The following EBF2 variants were observed in gnomAD, a reference collection of about 807,000 sequenced individuals.
The protein encoded by EBF2 is EBF transcription factor 2.
A neutral mutation model predicts 72.8 loss-of-function variants in EBF2; 21 were observed. That is an observed-to-expected ratio of 0.29 (90% CI 0.20 to 0.42). The LOEUF is 0.42. Among genes scored for constraint, EBF2 ranks in the 10% least tolerant of loss-of-function variants. The probability of loss-of-function intolerance (pLI) is 1.00; values close to 1 mark genes in which losing one functional copy is unlikely to be tolerated. For synonymous variants in EBF2, 299 were observed against 274.2 expected (o/e 1.09, Z -0.89); for missense variants, 637 against 731.2 (o/e 0.87, Z 1.49).
At position 25,861,131 on chromosome 8, in the gene EBF2, C is replaced by T. The variant is rs531219296; in HGVS notation, c.1260G>A (p.Ala420=). The change falls in exon 13 of 16, where the codon GCG becomes GCA. Residue 420 remains alanine (A), a synonymous_variant. Transcript: ENST00000520164. ...SQLPALSSSP[A]HSGMMGINSY... is the part of the protein sequence containing the mutation. ...AGTTGATTCCCATCATGCCACTGTGCGCTGGGGAGCTAGAGAGGGCTGGAA... is the reference window on the plus strand; with the variant it reads ...AGTTGATTCCCATCATGCCACTGTGTGCTGGGGAGCTAGAGAGGGCTGGAA... 9.0e-5 allele frequency: 145 copies of T among 1,614,108 alleles called. No homozygotes were observed. Among genetic ancestry groups the T allele is most frequent in the South Asian group, 8.1e-4 (74 of 91,060 alleles).
At chr8:25,890,183 CCAGTGGAGCCTCCACCA>C (rs1802755281) in intron 7 of EBF2, among the ~76,000 whole-genome samples, 1 of 152,210 alleles carries the variant, frequency 6.6e-6, no homozygotes, top group African/African-American at 2.4e-5. Context: ...ACCGCCACCG[CCAGTGGAGCCTCCACCA>C]CAGAAAGCTG....
intron 10 of EBF2, among the ~76,000 whole-genome samples, 190 bp downstream of exon 10, chr8:25,886,565 G>A (rs1485176091): frequency 1.3e-5 from 2 of 151,122 alleles, no homozygotes; most frequent in African/African-American, 4.9e-5. Context: ...TCATGCAGAA[G>A]TTGCTTAAGT....
At position 25,841,843 on chromosome 8, in the gene EBF2, C is replaced by CA. The variant is rs987624150; in HGVS notation, c.*2765dup. 1 of 151,968 alleles carries CA rather than the reference C, an allele frequency of 6.6e-6. No individual in the cohort carries two copies. The highest frequency in any genetic ancestry group is 1.5e-5 in the Non-Finnish European group (1 of 67,966). 9.4% of individuals were successfully genotyped at this position (151,968 alleles called of 1,614,324 possible). On this transcript the variant is annotated 3_prime_UTR_variant, in exon 16 of 16. Coordinates refer to ENST00000520164, the MANE Select transcript of EBF2 (RefSeq NM_022659.4). ...AAGTAAGACCATTAAAAACAGTAAACAAAAAAGCTGTCTTTACAAAAAGCT... is the reference window on the plus strand; with the variant it reads ...AAGTAAGACCATTAAAAACAGTAAACAAAAAAAGCTGTCTTTACAAAAAGCT...
chr8:25,861,303 T>C lies in EBF2; in HGVS notation c.1164+6A>G, dbSNP rs1802208741. The stretch of plus-strand genomic sequence containing the variant: ...CTCAATAAAGGATAGGATGTCAGTA[T>C]CTCACCTGGTTATTGTGTGGTGTGC... On this transcript the variant is annotated splice_donor_region_variant and intron_variant, in intron 12 of 15. Coordinates refer to ENST00000520164, the MANE Select transcript of EBF2 (RefSeq NM_022659.4). 6.2e-7 allele frequency: 1 copy of C among 1,614,110 alleles called. No individual in the cohort carries two copies. Among genetic ancestry groups the C allele is most frequent in the Non-Finnish European group, 8.5e-7 (1 of 1,180,054 alleles).
intron 6 of EBF2, among the ~76,000 whole-genome samples, chr8:25,942,952 G>A (rs1163978989): frequency 6.6e-6 from 1 of 152,108 alleles, no homozygotes; most frequent in Admixed American, 6.6e-5. Flanking sequence ...TCAGTGCAGT[G>A]GTAACCTCCT....
intron 5 of EBF2, among the ~76,000 whole-genome samples, chr8:26,039,102 A>G (rs1247746741): frequency 6.6e-6 from 1 of 152,180 alleles, no homozygotes; most frequent in Non-Finnish European, 1.5e-5. Flanking sequence ...AGAGTTTCCT[A>G]TTTATATCCT....
intron 6 of EBF2, among the ~76,000 whole-genome samples, chr8:26,016,135 C>G (rs1027405803): frequency 2.0e-4 from 30 of 152,304 alleles, no homozygotes; most frequent in South Asian, 4.1e-4. Flanking sequence ...CTCTTTAGTG[C>G]AGGGAGAAGG....
chr8:25,844,472 TG>T lies in EBF2; in HGVS notation c.*136del. The T allele has an allele frequency of 1.1e-6, 1 of 924,864 alleles. No individual in the cohort carries two copies. Among genetic ancestry groups the T allele is most frequent in the Non-Finnish European group, 1.7e-6 (1 of 586,764 alleles). 57.3% of individuals were successfully genotyped at this position (924,864 alleles called of 1,614,324 possible). ...GAGGACGTGGGACCAAGTAAGATGC[TG>T]GCTCCTTGCAGACCCAAGGGTGTCC... On this transcript the variant is annotated 3_prime_UTR_variant, in exon 16 of 16. Coordinates refer to ENST00000520164, the MANE Select transcript of EBF2 (RefSeq NM_022659.4).
At chr8:25,862,834 T>C in intron 10 of EBF2, 37 bp from the exon 11 acceptor site, 2 of 1,515,462 alleles carry the variant, frequency 1.3e-6, no homozygotes, top group Non-Finnish European at 1.8e-6. Context: ...GTTGGTATCC[T>C]GGCTATAAAG....
At chr8:26,043,092 C>G (rs1188328544) in intron 1 of EBF2, among the ~76,000 whole-genome samples, 1 of 152,248 alleles carries the variant, frequency 6.6e-6, no homozygotes, top group Admixed American at 6.5e-5. Context: ...CCAGCCGAAC[C>G]CAGTGACTGT....
At chr8:26,014,361 AG>A (rs1805074969) in intron 6 of EBF2, among the ~76,000 whole-genome samples, 1 of 147,370 alleles carries the variant, frequency 6.8e-6, no homozygotes, top group Admixed American at 6.8e-5. Flanking sequence ...TTTTATTATT[AG>A]TAGTAGTATT....
At chr8:25,925,476 C>T (rs182944840) in intron 6 of EBF2, among the ~76,000 whole-genome samples, 59 of 152,152 alleles carry the variant, frequency 3.9e-4, no homozygotes, top group Admixed American at 2.9e-3. Flanking sequence ...GAGGGGGCTC[C>T]GAGGAAATTA....
chr8:25,862,657 T>G, intron 11 of EBF2, 52 bp downstream of exon 11: 1 of 1,458,304 alleles, frequency 6.9e-7, no homozygotes, highest in Non-Finnish European at 9.3e-7. Flanking sequence ...TGTCTAAGTT[T>G]CCTGAAATTC....
intron 6 of EBF2, among the ~76,000 whole-genome samples, chr8:25,964,477 T>C (rs997274435): frequency 6.6e-6 from 1 of 152,242 alleles, no homozygotes; most frequent in Middle Eastern, 3.4e-3. Flanking sequence ...AAAAAAAGAA[T>C]GTATGAGAAC....
chr8:25,987,055 A>G (rs879311568), intron 6 of EBF2, among the ~76,000 whole-genome samples: 1 of 144,590 alleles, frequency 6.9e-6, no homozygotes, highest in East Asian at 2.0e-4. Context: ...AATTAAAAAA[A>G]AAAACTGATA....
chr8:25,866,780 C>A (rs1802337583), intron 10 of EBF2, among the ~76,000 whole-genome samples: 1 of 150,566 alleles, frequency 6.6e-6, no homozygotes, highest in South Asian at 2.1e-4. Context: ...TACAGGCATG[C>A]ACCACCATGC....
Position 25,858,290 on chromosome 8 carries a change from G to T in EBF2, c.1528+29C>A, listed in dbSNP as rs756683681. 1.9e-5 allele frequency: 30 copies of T among 1,612,406 alleles called. 1 individual carries two copies. In the South Asian group the frequency reaches 3.2e-4, roughly 17 times the overall value. On this transcript the variant is annotated intron_variant, in intron 14 of 15. Transcript: ENST00000520164. ...TAAAACCCAGAGACAAAAAAGCATG[G>T]AGAGCCAAGTGATGGAGAGGTCACT...
At chr8:25,917,498 A>T (rs1803239435) in intron 6 of EBF2, among the ~76,000 whole-genome samples, 1 of 152,124 alleles carries the variant, frequency 6.6e-6, no homozygotes, top group Admixed American at 6.5e-5. Flanking sequence ...AAAAGAAACA[A>T]CCCATGTCCT....
At chr8:25,873,590 G>A (rs529111451) in intron 10 of EBF2, among the ~76,000 whole-genome samples, 2 of 152,252 alleles carry the variant, frequency 1.3e-5, no homozygotes, top group South Asian at 4.1e-4. Flanking sequence ...AAGAATACGA[G>A]GAGAGAACCA....
Sources: gnomAD v4.1 joint callset for allele counts (sites outside exome capture counted in the v4.1 genomes callset) on GRCh38, gnomAD v4.1.1 for gene constraint, MANE v1.5 for transcripts, NCBI Gene and HGNC (gene_info 2026-07-23, HGNC 2026-07-21) for gene names.